The following TOP1 variants were observed in gnomAD, a reference collection of about 807,000 sequenced individuals.
The protein encoded by TOP1 is DNA topoisomerase I.
A neutral mutation model predicts 111.1 loss-of-function variants in TOP1; 10 were observed. That is an observed-to-expected ratio of 0.09 (90% CI 0.06 to 0.15). The LOEUF (loss-of-function observed/expected upper bound fraction) is 0.15, where lower values mean the gene tolerates loss of function less well. Among genes scored for constraint, TOP1 ranks in the 10% least tolerant of loss-of-function variants. The pLI is 1.00. For missense variants in TOP1, 474 were observed against 926.7 expected, an observed-to-expected ratio of 0.51 and a Z score of 6.34; for synonymous variants, 271 against 302.9, an observed-to-expected ratio of 0.89 and a Z score of 1.10.
chr20:41,040,276 A>T (rs189971887), intron 2 of TOP1, among the ~76,000 whole-genome samples: 2 of 152,386 alleles, frequency 1.3e-5, no homozygotes. Flanking sequence ...CAGTGGTTTG[A>T]ATACTAGAAA....
chr20:41,031,175 C>T (rs535020105), intron 2 of TOP1, among the ~76,000 whole-genome samples: 29 of 152,182 alleles, frequency 1.9e-4, no homozygotes, highest in Middle Eastern at 6.8e-3. Context: ...ACCAACCTAT[C>T]ACGATTTTAA....
chr20:41,112,802 A>G lies in TOP1; in HGVS notation c.1329A>G (p.Lys443=). The G allele has an allele frequency of 6.2e-7, 1 of 1,614,148 alleles. No homozygotes were observed. The highest frequency in any genetic ancestry group is 2.2e-5 in the East Asian group (1 of 44,906). The change falls in exon 14 of 21, where the codon AAA becomes AAG. Residue 443 remains lysine (K), a synonymous_variant. Transcript: ENST00000361337. This position sits in a 1 kb window ranked among gnomAD's most constrained non-coding sequence, Gnocchi z 5.8. The stretch of plus-strand genomic sequence containing the variant: ...TACAGGGTGAGAAGGACTGGCAGAA[A>G]TACGAGACTGCTCGGCGGCTGAAAA... The part of the protein sequence containing the change: ...SRIKGEKDWQ[K]YETARRLKKC...
chr20:41,054,466 G>C (rs1424615732), intron 2 of TOP1, among the ~76,000 whole-genome samples: 3 of 152,022 alleles, frequency 2.0e-5, no homozygotes, highest in African/African-American at 7.3e-5. Flanking sequence ...CCCAGTCTTG[G>C]GTATGTCTTT....
Position 41,081,239 on chromosome 20 carries a change from A to G in TOP1, c.506A>G (p.Glu169Gly). Residue 169 changes from glutamate to glycine, a missense_variant and splice_region_variant, in exon 7 of 21, where the codon GAG becomes GGG. Physicochemically the swap from Glu to Gly is moderately conservative, Grantham distance 98. Transcript: ENST00000361337. The part of the protein sequence containing the change: ...KEKKRKLEEE[E>G]DGKLKKPKNK... ...AAGAAAAGAAAACTAGAAGAAGAAG[A>G]GGTTAGTAAAGAGACTTAGGTCCTT... 2 of 1,602,456 alleles carry G rather than the reference A, an allele frequency of 1.2e-6. No individual in the cohort carries two copies. The highest frequency in any genetic ancestry group is 1.7e-6 in the Non-Finnish European group (2 of 1,174,016).
At chr20:41,113,604 G>A (rs975176988) in intron 14 of TOP1, among the ~76,000 whole-genome samples, 1 of 151,808 alleles carries the variant, frequency 6.6e-6, no homozygotes, top group Admixed American at 6.6e-5. Context: ...AAGGCTGGGC[G>A]CAGTGGCTCA....
rs1461356837 is a variant in TOP1, at chr20:41,034,209, G to A, written c.58+4754G>A. 6.6e-6 allele frequency among the ~76,000 whole-genome samples: 1 copy of A among 152,194 alleles called. No individual in the cohort carries two copies. Among genetic ancestry groups the A allele is most frequent in the Non-Finnish European group, 1.5e-5 (1 of 68,038 alleles). On this transcript the variant is annotated intron_variant, in intron 2 of 20. Transcript: ENST00000361337. This position sits in a 1 kb window ranked among gnomAD's most constrained non-coding sequence, Gnocchi z 4.0. ...CCAAACTAGTCCTTAAGAGGCGAAT[G>A]GGTATTGTGTTTAAAGGAAGCTTTC... is the stretch of plus-strand genomic sequence containing the variant.
chr20:41,058,658 C>T lies in TOP1; in HGVS notation c.59-2736C>T, dbSNP rs894858174. On this transcript the variant is annotated intron_variant, in intron 2 of 20. Transcript: ENST00000361337. The surrounding 1 kb of genome is among the most constrained non-coding windows in gnomAD (Gnocchi z 4.2). ...TTGCCCCCTCACAATTCCACTTCAT[C>T]TTGTTTGTTAGGAGTGAGTCACAGT... Among the ~76,000 whole-genome samples, 7 of 152,160 alleles carry T rather than the reference C, an allele frequency of 4.6e-5. No homozygotes were observed. Among genetic ancestry groups the T allele is most frequent in the African/African-American group, 1.7e-4 (7 of 41,428 alleles).
chr20:41,060,304 A>C lies in TOP1; in HGVS notation c.59-1090A>C, dbSNP rs908099729. ...AAGTTACAGTATATCCACACAATGT[A>C]ACACCACTCAGCAATAAAATGGAAC... On this transcript the variant is annotated intron_variant, in intron 2 of 20. Transcript: ENST00000361337. Among the ~76,000 whole-genome samples the C allele has an allele frequency of 2.0e-5, 3 of 152,238 alleles. No individual in the cohort carries two copies. In the East Asian group the frequency reaches 5.8e-4, roughly 29 times the overall value.
Position 41,029,623 on chromosome 20 carries a change from CG to C in TOP1, c.58+172del. ...TCGGGCCGCCTCTTGACCCCCTTTC[CG>C]GGGACCCCAGCTCCTCCAGATCCCG... On this transcript the variant is annotated intron_variant, in intron 2 of 20. Transcript: ENST00000361337. This position sits in a 1 kb window ranked among gnomAD's most constrained non-coding sequence, Gnocchi z 6.1. 1 of 681,028 alleles carries C rather than the reference CG, an allele frequency of 1.5e-6. No homozygotes were observed. The highest frequency in any genetic ancestry group is 2.6e-6 in the Non-Finnish European group (1 of 377,552). 42.2% of individuals were successfully genotyped at this position (681,028 alleles called of 1,614,324 possible).
rs140095407 is a variant in TOP1, at chr20:41,066,094, T to C, written c.155+4604T>C. On this transcript the variant is annotated intron_variant, in intron 3 of 20. Transcript: ENST00000361337. ...TGTAAGAAGAAATTCCAAAAGACTT[T>C]AAGAAGAAAGAGGTTAATATTTAAA... Among the ~76,000 whole-genome samples, 618 of 152,360 alleles carry C rather than the reference T, an allele frequency of 4.1e-3. 7 individuals are homozygous for C. Among genetic ancestry groups the C allele is most frequent in the East Asian group, 0.016 (85 of 5,190 alleles).
In TOP1 at chr20:41,118,049, C is replaced by T; in HGVS notation, c.1823-120C>T. On this transcript the variant is annotated intron_variant, in intron 17 of 20. Coordinates refer to ENST00000361337, the MANE Select transcript of TOP1 (RefSeq NM_003286.4). This position sits in a 1 kb window ranked among gnomAD's most constrained non-coding sequence, Gnocchi z 4.6. ...GTCCTTGGGGGCAATTTGAATTAAT[C>T]ATCTGAGTAAGATAAGAGCCAGCAA... The T allele has an allele frequency of 9.0e-7, 1 of 1,115,110 alleles. No individual in the cohort carries two copies. The highest frequency in any genetic ancestry group is 1.2e-6 in the Non-Finnish European group (1 of 804,126). 69.1% of individuals were successfully genotyped at this position (1,115,110 alleles called of 1,614,324 possible).
At position 41,110,908 on chromosome 20, in the gene TOP1, C is replaced by T. The variant is rs552626275; in HGVS notation, c.1309-1874C>T. On this transcript the variant is annotated intron_variant, in intron 13 of 20. Coordinates refer to ENST00000361337, the MANE Select transcript of TOP1 (RefSeq NM_003286.4). This position sits in a 1 kb window ranked among gnomAD's most constrained non-coding sequence, Gnocchi z 4.2. ...CCAGCCATCTCCTGCTGGATCTAAGCGGGGTGGCTTCTGCCTCCACCTCCA... is the reference window on the plus strand; with the variant it reads ...CCAGCCATCTCCTGCTGGATCTAAGTGGGGTGGCTTCTGCCTCCACCTCCA... Among the ~76,000 whole-genome samples the T allele has an allele frequency of 6.6e-5, 10 of 152,276 alleles. No homozygotes were observed. The South Asian group carries it at 1.5e-3, about 22-fold the overall frequency.
intron 9 of TOP1, among the ~76,000 whole-genome samples, chr20:41,096,664 T>C (rs1415814421): frequency 6.6e-6 from 1 of 152,244 alleles, no homozygotes; most frequent in African/African-American, 2.4e-5. Flanking sequence ...AAGGTCTTAT[T>C]AGGCTTTTCA....
rs908162706 is a variant in TOP1 at position 41,079,809 on chromosome 20, A to G, written c.336-276A>G. Among the ~76,000 whole-genome samples, 2 of 152,228 alleles carry G rather than the reference A, an allele frequency of 1.3e-5. No homozygotes were observed. The highest frequency in any genetic ancestry group is 4.8e-5 in the African/African-American group (2 of 41,466). ...TGGAGTGGTTCGTGCCATGCTGGCAAAGATAGCTAAGAAATAGTGAGAAAG... is the reference window on the plus strand; with the variant it reads ...TGGAGTGGTTCGTGCCATGCTGGCAGAGATAGCTAAGAAATAGTGAGAAAG... On this transcript the variant is annotated intron_variant, in intron 5 of 20. Coordinates refer to ENST00000361337, the MANE Select transcript of TOP1 (RefSeq NM_003286.4). This position sits in a 1 kb window ranked among gnomAD's most constrained non-coding sequence, Gnocchi z 4.0.
Position 41,098,135 on chromosome 20 carries a change from G to A in TOP1, c.853-80G>A, listed in dbSNP as rs2034007955. ...CTTTGACTGAAAAAATGGTGCTTGG[G>A]TGTATTTGCAAAGAAACCCAAGGAC... On this transcript the variant is annotated intron_variant, in intron 10 of 20. Coordinates refer to ENST00000361337, the MANE Select transcript of TOP1 (RefSeq NM_003286.4). This position sits in a 1 kb window ranked among gnomAD's most constrained non-coding sequence, Gnocchi z 5.7. 3 of 1,458,118 alleles carry A rather than the reference G, an allele frequency of 2.1e-6. No individual in the cohort carries two copies. The highest frequency in any genetic ancestry group is 4.6e-5 in the East Asian group (2 of 43,876). 90.3% of individuals were successfully genotyped at this position (1,458,118 alleles called of 1,614,324 possible).
At chr20:41,031,203 G>A (rs1248577908) in intron 2 of TOP1, among the ~76,000 whole-genome samples, 4 of 152,148 alleles carry the variant, frequency 2.6e-5, no homozygotes, top group Non-Finnish European at 4.4e-5. Context: ...AGGAGGTGAG[G>A]CCTGCAGTTT....
In TOP1 at chr20:41,110,966, G is replaced by T. The variant is rs1168384921; in HGVS notation, c.1309-1816G>T. 6.6e-6 allele frequency among the ~76,000 whole-genome samples: 1 copy of T among 152,168 alleles called. No homozygotes were observed. Among genetic ancestry groups the T allele is most frequent in the African/African-American group, 2.4e-5 (1 of 41,424 alleles). ...TTATTTGAGAGAATCCTAGATCCTTGGTGCAGAAGCCCAGCCAGCCTGTGA... is the reference window on the plus strand; with the variant it reads ...TTATTTGAGAGAATCCTAGATCCTTTGTGCAGAAGCCCAGCCAGCCTGTGA... On this transcript the variant is annotated intron_variant, in intron 13 of 20. Transcript: ENST00000361337. The surrounding 1 kb of genome is among the most constrained non-coding windows in gnomAD (Gnocchi z 4.2).
intron 3 of TOP1, chr20:41,072,648 C>T (rs550031487): frequency 1.6e-5 from 16 of 985,286 alleles, no homozygotes; most frequent in African/African-American, 1.2e-4. Flanking sequence ...GCACTCCTGC[C>T]GGTTTGGGGG....
chr20:41,046,096 A>G lies in TOP1; in HGVS notation c.59-15298A>G, dbSNP rs1427314378. Among the ~76,000 whole-genome samples the G allele has an allele frequency of 6.6e-6, 1 of 152,228 alleles. No individual in the cohort carries two copies. The highest frequency in any genetic ancestry group is 1.9e-4 in the East Asian group (1 of 5,198). ...CCAGGTTTAGCTTCAAGTTGTGATC[A>G]GTTTTCGTGGGATGCAAGGAGAAAA... On this transcript the variant is annotated intron_variant, in intron 2 of 20. Coordinates refer to ENST00000361337, the MANE Select transcript of TOP1 (RefSeq NM_003286.4). This position sits in a 1 kb window ranked among gnomAD's most constrained non-coding sequence, Gnocchi z 4.3.
Sources: gnomAD v4.1 joint callset for allele counts (sites outside exome capture counted in the v4.1 genomes callset) on GRCh38, gnomAD v4.1.1 for gene constraint, Gnocchi (gnomAD v3.1) non-coding constraint, MANE v1.5 for transcripts, NCBI Gene and HGNC (gene_info 2026-07-23, HGNC 2026-07-21) for gene names.